Variants in LCLAT1 observed in about 807,000 individuals in gnomAD.
The protein encoded by LCLAT1 is 1-AGP acyltransferase 8.
In LCLAT1, 11 loss-of-function variants were observed where a neutral mutation model predicts 30.7. The ratio of observed to expected loss-of-function variants is 0.36; its 90% confidence interval spans 0.23 to 0.59. LCLAT1 has a LOEUF of 0.59. Ranked by LOEUF, LCLAT1 falls within the 20% of genes least tolerant of loss-of-function variation. The pLI, the probability that LCLAT1 is intolerant of heterozygous loss-of-function variation, is 0.77. For synonymous variants in LCLAT1, 155 were observed against 151.3 expected (o/e 1.02, Z -0.18); for missense variants, 402 against 458.6 (o/e 0.88, Z 1.13).
In LCLAT1 at chr2:30,606,029, C is replaced by T. The variant is rs1275505464; in HGVS notation, c.629-34088C>T. On this transcript the variant is annotated intron_variant, in intron 5 of 5. Transcript: ENST00000379509. ...TCTGTTGATCAGGCAGGAGGCAGAG[C>T]GAGGGAAGTAAAGGACCACTTCAAG... The T allele has an allele frequency of 1.4e-5, 18 of 1,298,104 alleles. 1 individual carries two copies. In the Admixed American group the frequency reaches 1.9e-4, roughly 13 times the overall value. 80.4% of individuals were successfully genotyped at this position (1,298,104 alleles called of 1,614,324 possible).
intron 1 of LCLAT1, among the ~76,000 whole-genome samples, chr2:30,506,234 G>T (rs1156832830): frequency 6.6e-6 from 1 of 152,032 alleles, no homozygotes; most frequent in Non-Finnish European, 1.5e-5. Context: ...ATGAAACTGT[G>T]TAGTTTGTTC....
chr2:30,507,421 C>G (rs541326859), intron 1 of LCLAT1, among the ~76,000 whole-genome samples: 1 of 152,224 alleles, frequency 6.6e-6, no homozygotes, highest in South Asian at 2.1e-4. Flanking sequence ...TATTTTGTCA[C>G]CCAGGTATTA....
intron 3 of LCLAT1, among the ~76,000 whole-genome samples, chr2:30,560,911 TG>T (rs1209940844): frequency 6.6e-6 from 1 of 152,144 alleles, no homozygotes; most frequent in Admixed American, 6.5e-5. Context: ...TAGTCAGCTT[TG>T]GGGGGCTTTT....
chr2:30,591,659 A>G (rs1159654835), intron 5 of LCLAT1, among the ~76,000 whole-genome samples: 1 of 152,178 alleles, frequency 6.6e-6, no homozygotes, highest in Non-Finnish European at 1.5e-5. Flanking sequence ...CCAGGCTCTG[A>G]AAAAACCAAA....
At chr2:30,608,793 A>T (rs1476433333) in intron 5 of LCLAT1, among the ~76,000 whole-genome samples, 1 of 152,140 alleles carries the variant, frequency 6.6e-6, no homozygotes, top group African/African-American at 2.4e-5. Context: ...CACATCTCTC[A>T]GAACATATCC....
intron 5 of LCLAT1, among the ~76,000 whole-genome samples, chr2:30,609,941 G>A (rs1236322557): frequency 6.6e-6 from 1 of 152,054 alleles, no homozygotes; most frequent in Non-Finnish European, 1.5e-5. Flanking sequence ...GATTTAGTGA[G>A]CAATTATTAA....
At chr2:30,453,272 A>G (rs1278893368) in intron 1 of LCLAT1, among the ~76,000 whole-genome samples, 1 of 152,026 alleles carries the variant, frequency 6.6e-6, no homozygotes, top group Non-Finnish European at 1.5e-5. Context: ...AGAAAGAGGA[A>G]TGAGTGGTGG....
At chr2:30,565,222 T>C (rs1665421703) in intron 4 of LCLAT1, among the ~76,000 whole-genome samples, 1 of 152,174 alleles carries the variant, frequency 6.6e-6, no homozygotes, top group Non-Finnish European at 1.5e-5. Context: ...GTCCACGATC[T>C]GTAGGGTAGG....
chr2:30,578,964 G>A (rs1197053102), intron 5 of LCLAT1, among the ~76,000 whole-genome samples: 1 of 151,990 alleles, frequency 6.6e-6, no homozygotes, highest in Non-Finnish European at 1.5e-5. Flanking sequence ...TAACCTTTTG[G>A]ATCAGTAAAA....
At chr2:30,504,267 T>G (rs984882951) in intron 1 of LCLAT1, among the ~76,000 whole-genome samples, 1 of 151,582 alleles carries the variant, frequency 6.6e-6, no homozygotes, top group Non-Finnish European at 1.5e-5. Flanking sequence ...GTAGATGGAT[T>G]TAATTTCAGT....
At position 30,504,055 on chromosome 2, in the gene LCLAT1, A is replaced by T. The variant is rs574249567; in HGVS notation, c.-4-21532A>T. Among the ~76,000 whole-genome samples, 4 of 151,498 alleles carry T rather than the reference A, an allele frequency of 2.6e-5. No homozygotes were observed. The Admixed American group carries it at 2.7e-4, about 10-fold the overall frequency. ...TGTGAGCAGAGAAAATTTCTGCTAG[A>T]ACTTTCTTCATGCTTAAGGGACTTA... is the stretch of plus-strand genomic sequence containing the variant. On this transcript the variant is annotated intron_variant, in intron 1 of 5. Coordinates refer to ENST00000379509, the MANE Select transcript of LCLAT1 (RefSeq NM_001002257.3).
In LCLAT1 at chr2:30,562,213, C is replaced by T. The variant is rs758487673; in HGVS notation, c.432C>T (p.Phe144=). 8 of 1,613,094 alleles carry T rather than the reference C, an allele frequency of 5.0e-6. No homozygotes were observed. Among genetic ancestry groups the T allele is most frequent in the Middle Eastern group, 1.6e-4 (1 of 6,082 alleles). ...HRKWKDDKSH[F]EDMIDYFCDI... ...AATGGAAGGATGACAAGAGCCATTT[C>T]GAAGACATGATTGATTACTTTTGTG... Residue 144 remains phenylalanine (F), a synonymous_variant, in exon 4 of 6, where the codon TTC becomes TTT. Transcript: ENST00000379509.
intron 2 of LCLAT1, among the ~76,000 whole-genome samples, chr2:30,527,106 C>T (rs764940429): frequency 3.3e-5 from 5 of 152,040 alleles, no homozygotes. Flanking sequence ...TATTAATCAT[C>T]ACAAGTAGAT....
chr2:30,637,759 G>T (rs1173556248), intron 5 of LCLAT1, among the ~76,000 whole-genome samples: 1 of 152,126 alleles, frequency 6.6e-6, no homozygotes, highest in African/African-American at 2.4e-5. Flanking sequence ...TGTATTTTTA[G>T]TAGAGATGGG....
At chr2:30,455,472 C>G (rs891668204) in intron 1 of LCLAT1, among the ~76,000 whole-genome samples, 50 of 152,200 alleles carry the variant, frequency 3.3e-4, no homozygotes, top group Admixed American at 2.8e-3. Flanking sequence ...TCTGGAAGAT[C>G]TAGGGGAGAA....
chr2:30,635,290 C>T (rs1343114853), intron 5 of LCLAT1, among the ~76,000 whole-genome samples: 1 of 151,012 alleles, frequency 6.6e-6, no homozygotes, highest in Non-Finnish European at 1.5e-5. Context: ...GTCAACTCTC[C>T]CTCCTTGTAT....
chr2:30,465,014 C>G (rs1407853623), intron 1 of LCLAT1, among the ~76,000 whole-genome samples: 2 of 152,018 alleles, frequency 1.3e-5, no homozygotes, highest in Non-Finnish European at 2.9e-5. Flanking sequence ...CTGGCCAGGC[C>G]TGTTAGGTTT....
chr2:30,529,519 G>C (rs545374524), intron 2 of LCLAT1, among the ~76,000 whole-genome samples: 1 of 152,308 alleles, frequency 6.6e-6, no homozygotes, highest in East Asian at 1.9e-4. Flanking sequence ...GTCAAACTCA[G>C]CATGTGCTCA....
At chr2:30,495,684 G>A (rs1684074149) in intron 1 of LCLAT1, among the ~76,000 whole-genome samples, 1 of 152,088 alleles carries the variant, frequency 6.6e-6, no homozygotes, top group Admixed American at 6.6e-5. Flanking sequence ...AGTAAGGGTG[G>A]GGGTGAAAGG....
Sources: allele counts gnomAD v4.1 joint callset (sites outside exome capture counted in the v4.1 genomes callset), GRCh38; gene constraint gnomAD v4.1.1; transcripts MANE v1.5; gene names NCBI Gene and HGNC (gene_info 2026-07-23, HGNC 2026-07-21).